CELF2: variants seen among roughly 807,000 people sequenced by gnomAD.
CELF2 encodes CUGBP Elav-like family member 2.
A neutral mutation model predicts 62.6 loss-of-function variants in CELF2; 8 were observed. The ratio of observed to expected loss-of-function variants is 0.13; its 90% confidence interval spans 0.07 to 0.23. The LOEUF (loss-of-function observed/expected upper bound fraction) is 0.23. Among genes scored for constraint, CELF2 ranks in the 10% least tolerant of loss-of-function variants. The pLI, the probability that CELF2 is intolerant of heterozygous loss-of-function variation, is 1.00. For missense variants in CELF2, 333 were observed against 671.0 expected (o/e 0.50, Z 5.56); for synonymous variants, 258 against 250.0 (o/e 1.03, Z -0.30).
At chr10:10,813,105 C>A (rs2056096002) in intron 1 of CELF2, among the ~76,000 whole-genome samples, 1 of 152,146 alleles carries the variant, frequency 6.6e-6, no homozygotes, top group Non-Finnish European at 1.5e-5. Context: ...TTATATTGAT[C>A]CTCATTTTCT....
chr10:11,199,630 A>G (rs1048348395), intron 2 of CELF2, among the ~76,000 whole-genome samples: 1 of 152,220 alleles, frequency 6.6e-6, no homozygotes, highest in African/African-American at 2.4e-5. Flanking sequence ...AGTTAAGAGC[A>G]GGCCCTCCAG....
intron 2 of CELF2, among the ~76,000 whole-genome samples, chr10:11,204,904 T>A (rs1253169453): frequency 3.9e-5 from 6 of 152,254 alleles, no homozygotes; most frequent in Non-Finnish European, 8.8e-5. Context: ...CCAATCTGGT[T>A]AAACTCGTAT....
At chr10:11,141,107 G>A (rs1225638193) in intron 1 of CELF2, among the ~76,000 whole-genome samples, 1 of 152,230 alleles carries the variant, frequency 6.6e-6, no homozygotes, top group South Asian at 2.1e-4. Context: ...GCCGGGCGCT[G>A]TGCTCAGGTC....
chr10:10,727,569 G>A, the CELF2 span, among the ~76,000 whole-genome samples: 1 of 152,084 alleles, frequency 6.6e-6, no homozygotes, highest in Non-Finnish European at 1.5e-5. Context: ...GAGGTCGGGA[G>A]ATCGAGACCA....
chr10:11,282,895 A>T (rs1475079966), intron 8 of CELF2, among the ~76,000 whole-genome samples: 1 of 152,224 alleles, frequency 6.6e-6, no homozygotes, highest in Non-Finnish European at 1.5e-5. Context: ...TGTTCCAAGA[A>T]ACGTGAGGCC....
chr10:11,091,317 G>C (rs1380790560), intron 1 of CELF2, among the ~76,000 whole-genome samples: 1 of 152,160 alleles, frequency 6.6e-6, no homozygotes, highest in Admixed American at 6.5e-5. Flanking sequence ...AGGTAAGGCT[G>C]TTCTCCCTGG....
At chr10:10,822,788 AT>A (rs2057072480) in intron 1 of CELF2, among the ~76,000 whole-genome samples, 1 of 152,224 alleles carries the variant, frequency 6.6e-6, no homozygotes, top group Admixed American at 6.5e-5. Context: ...AAACCTAGTC[AT>A]TTGGAGTAAA....
chr10:10,925,684 C>T (rs1009158493), intron 2 of CELF2, among the ~76,000 whole-genome samples: 1 of 152,082 alleles, frequency 6.6e-6, no homozygotes, highest in African/African-American at 2.4e-5. Context: ...AGGACTGGAG[C>T]GAGTGGGTCA....
At chr10:11,058,340 A>G (rs769849968) in intron 1 of CELF2, among the ~76,000 whole-genome samples, 1 of 152,092 alleles carries the variant, frequency 6.6e-6, no homozygotes, top group Admixed American at 6.6e-5. Flanking sequence ...CTATATTTGC[A>G]TCCCACTTCA....
chr10:10,825,953 C>T (rs556892168), intron 1 of CELF2, among the ~76,000 whole-genome samples: 16 of 152,132 alleles, frequency 1.1e-4, no homozygotes, highest in Non-Finnish European at 2.2e-4. Flanking sequence ...TTATCTATAT[C>T]CAATGAGCGT....
the CELF2 span, among the ~76,000 whole-genome samples, chr10:10,505,986 C>A: frequency 1.3e-5 from 2 of 152,118 alleles, no homozygotes; most frequent in Non-Finnish European, 2.9e-5. Flanking sequence ...TTGGTTTATA[C>A]ATAATGTCCA....
At chr10:10,839,966 G>C (rs2058570673) in intron 1 of CELF2, among the ~76,000 whole-genome samples, 1 of 152,218 alleles carries the variant, frequency 6.6e-6, no homozygotes, top group African/African-American at 2.4e-5. Context: ...GAATCACATA[G>C]TATGTAGCCT....
chr10:11,184,047 T>C (rs2074197341), intron 2 of CELF2, among the ~76,000 whole-genome samples: 2 of 152,270 alleles, frequency 1.3e-5, no homozygotes, highest in African/African-American at 4.8e-5. Flanking sequence ...GTTTAGGCTT[T>C]ACATTTTAGT....
At position 11,224,364 on chromosome 10, in the gene CELF2, G is replaced by GGGATGGTA. The variant is rs112458435; in HGVS notation, c.354+6866_354+6873dup. On this transcript the variant is annotated intron_variant, in intron 3 of 12. Coordinates refer to ENST00000633077, the MANE Select transcript of CELF2 (RefSeq NM_001326342.2). This position sits in a 1 kb window ranked among gnomAD's most constrained non-coding sequence, Gnocchi z 4.5. ...TGGTATCTCATTAGTATCTTGTGAG[G>GGGATGGTA]GGATGGTAGGATGGTACAATGGCAA... Among the ~76,000 whole-genome samples, 905 of 152,218 alleles carry GGGATGGTA rather than the reference G, an allele frequency of 5.9e-3. 9 individuals carry two copies. The highest frequency in any genetic ancestry group is 0.02 in the African/African-American group (837 of 41,522).
chr10:10,654,303 G>A, the CELF2 span, among the ~76,000 whole-genome samples: 27 of 111,744 alleles, frequency 2.4e-4, 4 homozygotes, highest in South Asian at 1.6e-3. Context: ...GGAGGAACTG[G>A]TACCATTCCT....
chr10:10,702,376 T>TA, the CELF2 span, among the ~76,000 whole-genome samples: 1 of 152,200 alleles, frequency 6.6e-6, no homozygotes, highest in South Asian at 2.1e-4. Flanking sequence ...GTCTCTGACC[T>TA]ATGAGCTTTG....
intron 1 of CELF2, among the ~76,000 whole-genome samples, chr10:11,131,782 A>C (rs538331332): frequency 6.6e-6 from 1 of 152,316 alleles, no homozygotes; most frequent in East Asian, 1.9e-4. Context: ...TTTTTGGGAA[A>C]AGAGAGGGTT....
the CELF2 span, among the ~76,000 whole-genome samples, chr10:10,721,248 G>A: frequency 1.3e-5 from 2 of 152,182 alleles, no homozygotes; most frequent in Non-Finnish European, 2.9e-5. Flanking sequence ...TTTTGAAGTA[G>A]GCTGAGGTCA....
intron 1 of CELF2, among the ~76,000 whole-genome samples, chr10:10,848,423 C>T (rs1244853488): frequency 2.0e-5 from 3 of 152,210 alleles, no homozygotes; most frequent in East Asian, 1.9e-4. Flanking sequence ...ACCTGTGAAA[C>T]TTAAAAACTT....
Sources: gnomAD v4.1 joint callset for allele counts (sites outside exome capture counted in the v4.1 genomes callset) on GRCh38, gnomAD v4.1.1 for gene constraint, Gnocchi (gnomAD v3.1) non-coding constraint, MANE v1.5 for transcripts, NCBI Gene and HGNC (gene_info 2026-07-23, HGNC 2026-07-21) for gene names.